Variants in GALNT17 observed in about 807,000 individuals in gnomAD.
The protein encoded by GALNT17 is polypeptide N-acetylgalactosaminyltransferase 17.
A neutral mutation model predicts 63.7 loss-of-function variants in GALNT17; 29 were observed. That is an observed-to-expected ratio of 0.46 (90% CI 0.34 to 0.62). GALNT17 has a LOEUF of 0.62. GALNT17 is among the 20% of genes least tolerant of loss of function. GALNT17 has a pLI of 0.01. For missense variants in GALNT17, 603 were observed against 799.6 expected (o/e 0.75, Z 2.97); for synonymous variants, 305 against 318.3 (o/e 0.96, Z 0.45).
At chr7:71,220,391 A>C (rs997561251) in intron 1 of GALNT17, among the ~76,000 whole-genome samples, 3 of 152,196 alleles carry the variant, frequency 2.0e-5, no homozygotes, top group Non-Finnish European at 4.4e-5. Context: ...TTGATTGTAG[A>C]AAGGGAGGTC....
chr7:71,330,568 T>G (rs1484476116), intron 1 of GALNT17, among the ~76,000 whole-genome samples: 2 of 151,948 alleles, frequency 1.3e-5, no homozygotes, highest in Non-Finnish European at 2.9e-5. Context: ...GGCTAATTTG[T>G]TTATTTTTTG....
At chr7:71,709,957 C>T (rs1266436656) in intron 9 of GALNT17, among the ~76,000 whole-genome samples, 1 of 152,062 alleles carries the variant, frequency 6.6e-6, no homozygotes, top group Non-Finnish European at 1.5e-5. Flanking sequence ...CTTTTCATAC[C>T]TATGAGGTTG....
At chr7:71,652,141 G>T (rs1020156191) in intron 6 of GALNT17, among the ~76,000 whole-genome samples, 8 of 152,088 alleles carry the variant, frequency 5.3e-5, no homozygotes, top group African/African-American at 1.9e-4. Context: ...CTTTCAATCT[G>T]CATTTCTTGA....
chr7:71,438,774 TA>T lies in GALNT17; in HGVS notation c.962+17670del, dbSNP rs200838304. On this transcript the variant is annotated intron_variant, in intron 5 of 10. Coordinates refer to ENST00000333538, the MANE Select transcript of GALNT17 (RefSeq NM_022479.3). ...AATATTATAATAGCCCTTTTCTTTT[TA>T]TTTGGTCTAGGTCATACAACCAAAT... Among the ~76,000 whole-genome samples, 1,435 of 152,344 alleles carry T rather than the reference TA, an allele frequency of 9.4e-3. 15 individuals are homozygous for T. The highest frequency in any genetic ancestry group is 0.014 in the Non-Finnish European group (945 of 68,044).
intron 5 of GALNT17, among the ~76,000 whole-genome samples, chr7:71,559,752 T>C (rs1038181392): frequency 1.3e-5 from 2 of 151,454 alleles, no homozygotes; most frequent in Non-Finnish European, 2.9e-5. Flanking sequence ...TCCCAGCTAT[T>C]TGAGAAGCTG....
At chr7:71,423,193 A>G (rs1381290048) in intron 5 of GALNT17, among the ~76,000 whole-genome samples, 1 of 152,202 alleles carries the variant, frequency 6.6e-6, no homozygotes, top group Non-Finnish European at 1.5e-5. Flanking sequence ...ACCTGTCCTC[A>G]TTTAGGTCCG....
At chr7:71,415,220 G>C (rs1484064146) in intron 3 of GALNT17, among the ~76,000 whole-genome samples, 2 of 152,108 alleles carry the variant, frequency 1.3e-5, no homozygotes, top group Non-Finnish European at 2.9e-5. Context: ...TTGTGTTTCA[G>C]CTCTCCCGTT....
intron 6 of GALNT17, among the ~76,000 whole-genome samples, chr7:71,658,983 C>A (rs1790868330): frequency 1.3e-5 from 2 of 152,184 alleles, no homozygotes; most frequent in South Asian, 4.1e-4. Context: ...GCAAAGCATT[C>A]TTGTTTTCTC....
At chr7:71,432,909 A>G (rs778073115) in intron 5 of GALNT17, among the ~76,000 whole-genome samples, 3 of 152,168 alleles carry the variant, frequency 2.0e-5, no homozygotes, top group Non-Finnish European at 4.4e-5. Context: ...TTCTGGGTTC[A>G]AGCGATTATT....
chr7:71,212,789 T>C (rs1284478779), intron 1 of GALNT17, among the ~76,000 whole-genome samples: 1 of 152,186 alleles, frequency 6.6e-6, no homozygotes, highest in Non-Finnish European at 1.5e-5. Flanking sequence ...GCATGGGCCC[T>C]GTGACCCCTT....
At chr7:71,484,592 G>A (rs1003749812) in intron 5 of GALNT17, among the ~76,000 whole-genome samples, 2 of 152,122 alleles carry the variant, frequency 1.3e-5, no homozygotes, top group Non-Finnish European at 2.9e-5. Context: ...GTAATGCATT[G>A]TGCTATGATG....
chr7:71,636,510 T>G (rs531165638), intron 6 of GALNT17, among the ~76,000 whole-genome samples: 20 of 152,306 alleles, frequency 1.3e-4, no homozygotes, highest in Admixed American at 1.1e-3. Context: ...ACTGAGTGAC[T>G]TCCCACTGGG....
At chr7:71,451,185 GT>G (rs1208286586) in intron 5 of GALNT17, among the ~76,000 whole-genome samples, 2 of 151,962 alleles carry the variant, frequency 1.3e-5, no homozygotes, top group African/African-American at 4.8e-5. Flanking sequence ...GTGGTGTTTG[GT>G]TTTTTGTCCT....
chr7:71,320,856 T>C (rs901489427), intron 1 of GALNT17, among the ~76,000 whole-genome samples: 2 of 152,194 alleles, frequency 1.3e-5, no homozygotes, highest in Admixed American at 6.5e-5. Flanking sequence ...TTCTATGATA[T>C]GACCAGAATT....
chr7:71,706,353 C>A (rs1285152122), intron 9 of GALNT17, among the ~76,000 whole-genome samples: 1 of 152,188 alleles, frequency 6.6e-6, no homozygotes. Flanking sequence ...CACTCCCTAA[C>A]AGACCTCAGA....
intron 4 of GALNT17, among the ~76,000 whole-genome samples, chr7:71,416,312 A>G (rs1311267962): frequency 6.6e-6 from 1 of 152,134 alleles, no homozygotes; most frequent in Non-Finnish European, 1.5e-5. Context: ...CAAAATCCCC[A>G]GTGAAAATGT....
chr7:71,363,725 C>T (rs1282676031), intron 2 of GALNT17, among the ~76,000 whole-genome samples: 1 of 152,202 alleles, frequency 6.6e-6, no homozygotes, highest in Non-Finnish European at 1.5e-5. Context: ...ATTCGCAGAT[C>T]GGACAGCCGC....
intron 6 of GALNT17, among the ~76,000 whole-genome samples, chr7:71,619,302 A>G (rs1168485157): frequency 6.6e-6 from 1 of 152,222 alleles, no homozygotes; most frequent in Non-Finnish European, 1.5e-5. Context: ...TATGAATTTT[A>G]GAATAGTTTA....
chr7:71,601,048 A>G (rs1015524841), intron 6 of GALNT17, among the ~76,000 whole-genome samples: 2 of 152,026 alleles, frequency 1.3e-5, no homozygotes, highest in African/African-American at 2.4e-5. Flanking sequence ...AAGTTAGAAT[A>G]ATTGTCTCCA....
Sources: allele counts gnomAD v4.1 joint callset (sites outside exome capture counted in the v4.1 genomes callset), GRCh38; gene constraint gnomAD v4.1.1; transcripts MANE v1.5; gene names NCBI Gene and HGNC (gene_info 2026-07-23, HGNC 2026-07-21).